The following TSPEAR variants were observed in gnomAD, a reference collection of about 807,000 sequenced individuals.
TSPEAR encodes thrombospondin-type laminin G domain and EAR repeat-containing protein.
Under a neutral mutation model 71.6 loss-of-function variants are expected in TSPEAR, and 69 were observed. That is an observed-to-expected ratio of 0.96 (90% CI 0.79 to 1.18). The LOEUF is 1.18. Ranked by LOEUF, TSPEAR falls within the 50% of genes most tolerant of loss-of-function variation. The pLI, the probability that TSPEAR is intolerant of heterozygous loss-of-function variation, is 0.00. For missense variants in TSPEAR, 971 were observed against 894.9 expected (o/e 1.09, Z -1.09); for synonymous variants, 402 against 387.2 (o/e 1.04, Z -0.45).
chr21:44,594,646 T>G (rs868970358), intron 1 of TSPEAR, among the ~76,000 whole-genome samples: 1 of 152,094 alleles, frequency 6.6e-6, no homozygotes, highest in Non-Finnish European at 1.5e-5. Context: ...CATAACCTAT[T>G]GCACATGTGT....
Position 44,646,124 on chromosome 21 carries a change from CA to C in TSPEAR, c.82+65308del, listed in dbSNP as rs55672014. ...TGGGTGACAGAGCAAGACTCCCTCT[CA>C]AAAAAAAAAAAAAAAAAAAAAAAAA... On this transcript the variant is annotated intron_variant, in intron 1 of 11. Coordinates refer to ENST00000323084, the MANE Select transcript of TSPEAR (RefSeq NM_144991.3). 4.4e-3 allele frequency among the ~76,000 whole-genome samples: 138 copies of C among 31,194 alleles called. No individual in the cohort carries two copies. In the East Asian group the frequency reaches 0.05, roughly 11 times the overall value. The allele number at this position is 31,194 out of a possible 152,430, so 20.5% of individuals were successfully genotyped here. A position where few individuals can be genotyped will look rare whatever the true frequency, so the allele number is the denominator to read the frequency against.
At chr21:44,680,461 C>T (rs1986527892) in intron 1 of TSPEAR, among the ~76,000 whole-genome samples, 1 of 152,138 alleles carries the variant, frequency 6.6e-6, no homozygotes, top group Non-Finnish European at 1.5e-5. Context: ...TAAATTAGTA[C>T]AGCCATTATC....
chr21:44,555,773 A>T (rs2053518037), intron 2 of TSPEAR, among the ~76,000 whole-genome samples: 1 of 152,048 alleles, frequency 6.6e-6, no homozygotes, highest in Non-Finnish European at 1.5e-5. Context: ...CAGGACAGAG[A>T]GGTCTGGGGA....
chr21:44,702,277 G>T, intron 1 of TSPEAR: 1 of 1,608,262 alleles, frequency 6.2e-7, no homozygotes, highest in Non-Finnish European at 8.5e-7. Context: ...GAGCTGCTGC[G>T]AGCCCCCCTG....
chr21:44,511,128 CAG>C (rs2052359537), intron 9 of TSPEAR: 1 of 152,246 alleles, frequency 6.6e-6, no homozygotes, highest in East Asian at 1.9e-4. Context: ...AGAAGAGAAA[CAG>C]GAATCATCAG....
At chr21:44,632,296 C>A (rs782482036) in intron 1 of TSPEAR, among the ~76,000 whole-genome samples, 3 of 152,134 alleles carry the variant, frequency 2.0e-5, no homozygotes, top group Admixed American at 2.0e-4. Context: ...CAGCCAATTT[C>A]TCTTCAAAAA....
chr21:44,677,369 G>C, intron 1 of TSPEAR: 2 of 1,404,064 alleles, frequency 1.4e-6, no homozygotes, highest in Non-Finnish European at 2.0e-6. Flanking sequence ...ATATGTTGGA[G>C]TGTGCATTGA....
At chr21:44,639,112 C>A (rs1983864351) in intron 1 of TSPEAR, among the ~76,000 whole-genome samples, 1 of 152,190 alleles carries the variant, frequency 6.6e-6, no homozygotes, top group African/African-American at 2.4e-5. Context: ...GCCCCCCTGC[C>A]CCATGCGGCC....
chr21:44,654,324 G>C (rs782259037), intron 1 of TSPEAR: 3 of 1,614,088 alleles, frequency 1.9e-6, no homozygotes, highest in South Asian at 2.2e-5. Context: ...AGACCAGGGT[G>C]GGGCAGAAGG....
rs587750147 is a variant in TSPEAR at position 44,656,427 on chromosome 21, A to AT, written c.82+55005dup. Among the ~76,000 whole-genome samples the AT allele has an allele frequency of 2.8e-4, 42 of 151,980 alleles. 1 individual carries two copies. In the South Asian group the frequency reaches 7.3e-3, roughly 26 times the overall value. Reference sequence around the variant, plus strand: ...TTTTTACCTCAACATGTTTTGAAGGATTTTTTTCATAGGTATAGAATTCTG... The same window carrying AT: ...TTTTTACCTCAACATGTTTTGAAGGATTTTTTTTCATAGGTATAGAATTCTG... On this transcript the variant is annotated intron_variant, in intron 1 of 11. Coordinates refer to ENST00000323084, the MANE Select transcript of TSPEAR (RefSeq NM_144991.3).
chr21:44,557,279 G>T (rs1170417692), intron 2 of TSPEAR, among the ~76,000 whole-genome samples: 2 of 152,130 alleles, frequency 1.3e-5, no homozygotes, highest in Non-Finnish European at 2.9e-5. Context: ...GACAAAGGTG[G>T]TTACTCAGCT....
At position 44,589,395 on chromosome 21, in the gene TSPEAR, C is replaced by T. The variant is rs2146117689; in HGVS notation, c.83-21390G>A. 2.0e-5 allele frequency among the ~76,000 whole-genome samples: 3 copies of T among 152,284 alleles called. 1 individual carries two copies. ...CTTCCACTTCTTGGCTGTTGTCAGT[C>T]ATGCTGTGTACATGGGTACACCAGT... On this transcript the variant is annotated intron_variant, in intron 1 of 11. Transcript: ENST00000323084.
Position 44,695,530 on chromosome 21 carries a change from C to T in TSPEAR, c.82+15903G>A, listed in dbSNP as rs1164792866. On this transcript the variant is annotated intron_variant, in intron 1 of 11. Transcript: ENST00000323084. This position sits in a 1 kb window ranked among gnomAD's most constrained non-coding sequence, Gnocchi z 4.5. ...TTGCAATGACCTCCGATCCCAAGACCCTTTTCCCAAGTCCAATTTTTCCTC... is the reference window on the plus strand; with the variant it reads ...TTGCAATGACCTCCGATCCCAAGACTCTTTTCCCAAGTCCAATTTTTCCTC... Among the ~76,000 whole-genome samples the T allele has an allele frequency of 6.6e-6, 1 of 152,262 alleles. No homozygotes were observed. The highest frequency in any genetic ancestry group is 2.1e-4 in the South Asian group (1 of 4,824).
intron 1 of TSPEAR, chr21:44,601,752 A>T: frequency 6.3e-7 from 1 of 1,596,132 alleles, no homozygotes; most frequent in Non-Finnish European, 8.6e-7. Context: ...CCTTAAGATC[A>T]TCCAAAGCCT....
At position 44,611,135 on chromosome 21, in the gene TSPEAR, A is replaced by G. The variant is rs191634778; in HGVS notation, c.83-43130T>C. Among the ~76,000 whole-genome samples the G allele has an allele frequency of 2.6e-5, 4 of 151,922 alleles. No individual in the cohort carries two copies. In the East Asian group the frequency reaches 7.8e-4, roughly 30 times the overall value. On this transcript the variant is annotated intron_variant, in intron 1 of 11. Coordinates refer to ENST00000323084, the MANE Select transcript of TSPEAR (RefSeq NM_144991.3). ...CTGAAATGAGTTAAGACTTTGGGGG[A>G]CTGTTGGGAAGGCATGACTGGTTTT... is the stretch of plus-strand genomic sequence containing the variant.
At chr21:44,600,093 C>A (rs587624878) in intron 1 of TSPEAR, among the ~76,000 whole-genome samples, 2 of 152,262 alleles carry the variant, frequency 1.3e-5, no homozygotes, top group South Asian at 2.1e-4. Context: ...CTTGGGGGGA[C>A]TTTATGCACC....
intron 1 of TSPEAR, among the ~76,000 whole-genome samples, chr21:44,582,189 C>T (rs1979023335): frequency 6.6e-6 from 1 of 152,190 alleles, no homozygotes; most frequent in Non-Finnish European, 1.5e-5. Flanking sequence ...GTGCGGTCTC[C>T]ACATCAGCCA....
chr21:44,697,307 T>A (rs782541707), intron 1 of TSPEAR: 1 of 1,613,718 alleles, frequency 6.2e-7, no homozygotes, highest in South Asian at 1.1e-5. Flanking sequence ...CCCAGAGAGC[T>A]GCTGTGAGCC....
chr21:44,598,823 T>C (rs1034665232), intron 1 of TSPEAR, among the ~76,000 whole-genome samples: 2 of 152,214 alleles, frequency 1.3e-5, no homozygotes, highest in African/African-American at 4.8e-5. Context: ...CCTAAAAAAA[T>C]CCCCTTTCAT....
Sources: gnomAD v4.1 joint callset for allele counts (sites outside exome capture counted in the v4.1 genomes callset) on GRCh38, gnomAD v4.1.1 for gene constraint, Gnocchi (gnomAD v3.1) non-coding constraint, MANE v1.5 for transcripts, NCBI Gene and HGNC (gene_info 2026-07-23, HGNC 2026-07-21) for gene names.